Variants in GAPDHS observed in about 807,000 individuals in gnomAD.
The protein encoded by GAPDHS is glyceraldehyde-3-phosphate dehydrogenase, testis-specific.
GAPDHS carries 42 observed loss-of-function variants against 48.7 expected under a neutral mutation model. The observed-to-expected ratio is 0.86, with a 90% CI of 0.67 to 1.12. The LOEUF is 1.12. Ranked by LOEUF, GAPDHS falls within the 50% of genes most tolerant of loss-of-function variation. The pLI, the probability that GAPDHS is intolerant of heterozygous loss-of-function variation, is 0.00. For missense variants in GAPDHS, 512 were observed against 557.7 expected, an observed-to-expected ratio of 0.92 and a Z score of 0.82; for synonymous variants, 166 against 219.1, an observed-to-expected ratio of 0.76 and a Z score of 2.14.
In GAPDHS at chr19:35,537,004, A is replaced by G; in HGVS notation, c.245+14A>G. 6.2e-7 allele frequency: 1 copy of G among 1,608,472 alleles called. No homozygotes were observed. On this transcript the variant is annotated intron_variant, in intron 2 of 10. Transcript: ENST00000222286. ...GGGCATCAATGGGTGAGTCTACTCC[A>G]GCCCCTGATCAGTCTGAAGCCTTAG... is the stretch of plus-strand genomic sequence containing the variant.
chr19:35,536,677 T>C (rs1188512707), intron 1 of GAPDHS, 136 bp from the exon 2 acceptor site: 8 of 647,666 alleles, frequency 1.2e-5, no homozygotes, highest in South Asian at 2.3e-5. Flanking sequence ...GTAGAGAAAG[T>C]GGGTTTGGGA....
intron 1 of GAPDHS, among the ~76,000 whole-genome samples, chr19:35,534,888 A>G (rs1391938435): frequency 2.1e-5 from 3 of 141,038 alleles, no homozygotes; most frequent in Non-Finnish European, 4.6e-5. Context: ...GGTGCCTTTG[A>G]TTTGGTGCCA....
chr19:35,536,712 C>T (rs899469993), intron 1 of GAPDHS, 101 bp from the exon 2 acceptor site: 13 of 966,670 alleles, frequency 1.3e-5, no homozygotes, highest in African/African-American at 1.3e-4. Flanking sequence ...TGGTTGGTCA[C>T]GAGGGGCCAG....
intron 4 of GAPDHS, 122 bp downstream of exon 4, chr19:35,538,805 G>A: frequency 2.9e-6 from 2 of 694,456 alleles, no homozygotes; most frequent in Admixed American, 2.0e-5. Context: ...AATTGCGTGT[G>A]CATGCCTCTA....
Position 35,545,196 on chromosome 19 carries a change from C to A in GAPDHS, c.*26C>A, listed in dbSNP as rs1348245739. The A allele has an allele frequency of 1.9e-6, 3 of 1,595,646 alleles. No homozygotes were observed. The highest frequency in any genetic ancestry group is 2.6e-6 in the Non-Finnish European group (3 of 1,163,136). ...AACGGGAAGGTCCTTTCTTTCCTTC[C>A]CAGGGGCCGGGGCCGGAACATGTGC... is the stretch of plus-strand genomic sequence containing the variant. On this transcript the variant is annotated 3_prime_UTR_variant, in exon 11 of 11. Transcript: ENST00000222286.
At chr19:35,535,771 G>GA (rs1189886637) in intron 1 of GAPDHS, among the ~76,000 whole-genome samples, 1 of 127,058 alleles carries the variant, frequency 7.9e-6, no homozygotes, top group Non-Finnish European at 1.7e-5. Flanking sequence ...CTCCTCAGGT[G>GA]ATTTTTTTTT....
rs762389165 is a variant in GAPDHS at position 35,542,371 on chromosome 19, G to A, written c.502G>A (p.Glu168Lys). ...WRAVGSPYVV[E>K]STGVYLSIQA... is the part of the protein sequence containing the mutation. ...GGCTGTCGGGAGCCCCTACGTGGTG[G>A]AGTCCACAGGCGTGTACCTCTCCAT... Residue 168 changes from glutamate (E) to lysine (K), a missense_variant, in exon 5 of 11, where the codon GAG becomes AAG. Coordinates refer to ENST00000222286, the MANE Select transcript of GAPDHS (RefSeq NM_014364.5). 1.9e-5 allele frequency: 30 copies of A among 1,612,812 alleles called. No homozygotes were observed. In the South Asian group the frequency reaches 3.0e-4, roughly 16 times the overall value.
chr19:35,536,041 C>T (rs1301048241), intron 1 of GAPDHS, among the ~76,000 whole-genome samples: 1 of 151,998 alleles, frequency 6.6e-6, no homozygotes, highest in Non-Finnish European at 1.5e-5. Flanking sequence ...CGCCTGGCCA[C>T]TCCGACGACT....
chr19:35,535,905 G>A (rs982134672), intron 1 of GAPDHS, among the ~76,000 whole-genome samples: 47 of 151,912 alleles, frequency 3.1e-4, no homozygotes, highest in African/African-American at 1.1e-3. Context: ...GAGGAGCTGG[G>A]ATTACAGTAT....
intron 9 of GAPDHS, 120 bp downstream of exon 9, chr19:35,543,947 T>G: frequency 1.4e-6 from 2 of 1,431,070 alleles, no homozygotes; most frequent in Non-Finnish European, 9.1e-7. Context: ...AAGGGAGATC[T>G]CCCTGCCTCA....
chr19:35,542,878 G>C, intron 6 of GAPDHS, 67 bp from the exon 7 acceptor site: 2 of 1,181,014 alleles, frequency 1.7e-6, no homozygotes, highest in Non-Finnish European at 2.5e-6. Context: ...ACCCCAAGAG[G>C]GGTAAGGGTG....
At chr19:35,536,784 C>A in intron 1 of GAPDHS, 29 bp from the exon 2 acceptor site, 2 of 1,551,128 alleles carry the variant, frequency 1.3e-6, no homozygotes, top group Non-Finnish European at 8.8e-7. Context: ...GGTGGTCATG[C>A]AACCCATTCC....
At chr19:35,542,284 G>A in intron 4 of GAPDHS, 35 bp from the exon 5 acceptor site, 1 of 1,421,932 alleles carries the variant, frequency 7.0e-7, no homozygotes, top group Non-Finnish European at 9.9e-7. Flanking sequence ...GGCTCAAGCA[G>A]GGGAGACTGA....
intron 8 of GAPDHS, 57 bp from the exon 9 acceptor site, chr19:35,543,608 G>A: frequency 6.3e-7 from 1 of 1,594,122 alleles, no homozygotes; most frequent in Non-Finnish European, 8.6e-7. Flanking sequence ...GGGAAAGGGG[G>A]AATGGAGGGC....
intron 4 of GAPDHS, among the ~76,000 whole-genome samples, chr19:35,539,877 TCATC>T (rs1471933816): frequency 5.9e-5 from 9 of 151,936 alleles, no homozygotes; most frequent in Admixed American, 5.2e-4. Flanking sequence ...CCACTTGGAG[TCATC>T]CCTCTTCCCC....
chr19:35,542,894 G>T, intron 6 of GAPDHS, 51 bp from the exon 7 acceptor site: 1 of 1,363,794 alleles, frequency 7.3e-7, no homozygotes, highest in Non-Finnish European at 1.1e-6. Context: ...GGGTGGAGGG[G>T]TGGCTCTGCG....
At chr19:35,542,008 G>A (rs1160415376) in intron 4 of GAPDHS, 1 of 401,096 alleles carries the variant, frequency 2.5e-6, no homozygotes, top group Non-Finnish European at 4.7e-6. Context: ...AAGGGTCTGG[G>A]CTGGCTGACA....
intron 1 of GAPDHS, among the ~76,000 whole-genome samples, chr19:35,533,911 G>A (rs927923873): frequency 3.3e-5 from 5 of 152,198 alleles, no homozygotes; most frequent in Admixed American, 6.5e-5. Context: ...GGGCTTAGGA[G>A]GGGCTTAGGG....
chr19:35,533,783 C>G (rs1454509806), intron 1 of GAPDHS, among the ~76,000 whole-genome samples, 189 bp downstream of exon 1: 4 of 152,178 alleles, frequency 2.6e-5, no homozygotes, highest in Non-Finnish European at 4.4e-5. Flanking sequence ...ACTGCCATGG[C>G]GGGGAGACCG....
Sources: gnomAD v4.1 joint callset for allele counts (sites outside exome capture counted in the v4.1 genomes callset) on GRCh38, gnomAD v4.1.1 for gene constraint, MANE v1.5 for transcripts, NCBI Gene and HGNC (gene_info 2026-07-23, HGNC 2026-07-21) for gene names.